The following MBNL2 variants were observed in gnomAD, a reference collection of about 807,000 sequenced individuals.
MBNL2 encodes muscleblind-like protein 2.
MBNL2 carries 17 observed loss-of-function variants against 41.9 expected under a neutral mutation model. The ratio of observed to expected loss-of-function variants is 0.41; its 90% CI spans 0.28 to 0.61. MBNL2 has a LOEUF of 0.61. Among genes scored for constraint, MBNL2 ranks in the 20% least tolerant of loss-of-function variants. The probability of loss-of-function intolerance (pLI) is 0.35; values close to 1 mark genes in which losing one functional copy is unlikely to be tolerated. For missense variants in MBNL2, 336 were observed against 505.6 expected (o/e 0.66, Z 3.22); for synonymous variants, 195 against 182.9 (o/e 1.07, Z -0.53).
At chr13:97,210,136 T>C in the MBNL2 span, among the ~76,000 whole-genome samples, 1 of 152,208 alleles carries the variant, frequency 6.6e-6, no homozygotes, top group Non-Finnish European at 1.5e-5. Flanking sequence ...GTGTCCTCAG[T>C]ATATTTAAAT....
chr13:97,211,305 TG>T, the MBNL2 span, among the ~76,000 whole-genome samples: 1 of 152,070 alleles, frequency 6.6e-6, no homozygotes, highest in African/African-American at 2.4e-5. Flanking sequence ...TGATTAGGCT[TG>T]TTGGAGAGGT....
At chr13:97,163,307 T>C in the MBNL2 span, among the ~76,000 whole-genome samples, 3 of 152,060 alleles carry the variant, frequency 2.0e-5, no homozygotes, top group African/African-American at 7.2e-5. Flanking sequence ...AACAATAAAA[T>C]AAGCAGTCCA....
upstream of MBNL2, among the ~76,000 whole-genome samples, chr13:97,220,212 A>G (rs2040737756): frequency 6.6e-6 from 1 of 152,262 alleles, no homozygotes; most frequent in African/African-American, 2.4e-5. Context: ...CAGTCACTGC[A>G]TAGACATTTT....
In MBNL2 at chr13:97,327,406, G is replaced by A. The variant is rs185980190; in HGVS notation, c.175-6870G>A. On this transcript the variant is annotated intron_variant, in intron 2 of 8. Coordinates refer to ENST00000679496, the MANE Select transcript of MBNL2 (RefSeq NM_001382683.1). Reference sequence around the variant, plus strand: ...ATTAGGAGCATTCAAGGAGAAAATAGATCTGGAAAAAATATAGATAACAAT... The same window carrying A: ...ATTAGGAGCATTCAAGGAGAAAATAAATCTGGAAAAAATATAGATAACAAT... 2.4e-4 allele frequency among the ~76,000 whole-genome samples: 37 copies of A among 151,908 alleles called. 2 individuals are homozygous for A. The highest frequency in any genetic ancestry group is 2.0e-3 in the Admixed American group (30 of 15,254).
intron 8 of MBNL2, among the ~76,000 whole-genome samples, chr13:97,385,187 C>T (rs1380217950): frequency 6.6e-6 from 1 of 152,096 alleles, no homozygotes. Context: ...AAATTCCCAG[C>T]CCTATCCTAG....
the MBNL2 span, among the ~76,000 whole-genome samples, chr13:97,198,033 A>T: frequency 6.6e-6 from 1 of 152,150 alleles, no homozygotes; most frequent in Non-Finnish European, 1.5e-5. Flanking sequence ...GGTTGATTTT[A>T]TATGTAAACT....
At chr13:97,386,611 C>T (rs368410348) in intron 8 of MBNL2, among the ~76,000 whole-genome samples, 115 of 152,310 alleles carry the variant, frequency 7.6e-4, no homozygotes, top group African/African-American at 2.6e-3. Context: ...AGGCAATTCA[C>T]TGAGGACACT....
the MBNL2 span, among the ~76,000 whole-genome samples, chr13:97,165,808 T>G: frequency 6.6e-6 from 1 of 152,358 alleles, no homozygotes; most frequent in Admixed American, 6.5e-5. Flanking sequence ...TCAAAAAGCA[T>G]GCCACCTTGT....
chr13:97,383,960 C>T (rs913565280), intron 8 of MBNL2, among the ~76,000 whole-genome samples: 5 of 149,508 alleles, frequency 3.3e-5, no homozygotes, highest in Admixed American at 6.7e-5. Flanking sequence ...AGTGTGGTGG[C>T]GCAATCTTGG....
intron 8 of MBNL2, among the ~76,000 whole-genome samples, chr13:97,369,868 G>A (rs752453771): frequency 6.6e-6 from 1 of 152,002 alleles, no homozygotes; most frequent in Admixed American, 6.6e-5. Flanking sequence ...GAGCAGATAA[G>A]GAAACAAAAA....
intron 1 of MBNL2, among the ~76,000 whole-genome samples, chr13:97,238,356 C>G (rs958037115): frequency 6.6e-6 from 1 of 152,112 alleles, no homozygotes; most frequent in African/African-American, 2.4e-5. Context: ...CACAAAAATC[C>G]AAAGTGAAGA....
chr13:97,286,177 G>A (rs898826779), intron 2 of MBNL2, among the ~76,000 whole-genome samples: 4 of 152,082 alleles, frequency 2.6e-5, no homozygotes, highest in African/African-American at 9.7e-5. Flanking sequence ...ATATCTACTT[G>A]GATATTTATT....
At chr13:97,215,841 A>T in the MBNL2 span, among the ~76,000 whole-genome samples, 4 of 152,284 alleles carry the variant, frequency 2.6e-5, no homozygotes, top group South Asian at 4.1e-4. Flanking sequence ...TTTAGTTATC[A>T]CTTTTTTGGC....
chr13:97,316,539 A>G (rs1399814551), intron 2 of MBNL2, among the ~76,000 whole-genome samples: 1 of 152,170 alleles, frequency 6.6e-6, no homozygotes, highest in Non-Finnish European at 1.5e-5. Context: ...GCCCTGGCTC[A>G]TGGAGTCCAG....
the MBNL2 span, among the ~76,000 whole-genome samples, chr13:97,163,057 C>T: frequency 6.6e-6 from 1 of 152,250 alleles, no homozygotes; most frequent in South Asian, 2.1e-4. Flanking sequence ...GATTTGTAGA[C>T]CACCACCACT....
intron 1 of MBNL2, among the ~76,000 whole-genome samples, chr13:97,254,960 A>C (rs1022870442): frequency 3.3e-5 from 5 of 152,202 alleles, no homozygotes; most frequent in African/African-American, 1.2e-4. Flanking sequence ...AGGCATTTAG[A>C]TGTGGAGAAG....
chr13:97,334,256 A>C lies in MBNL2; in HGVS notation c.175-20A>C. 1 of 1,599,148 alleles carries C rather than the reference A, an allele frequency of 6.3e-7. No homozygotes were observed. Among genetic ancestry groups the C allele is most frequent in the East Asian group, 2.2e-5 (1 of 44,728 alleles). On this transcript the variant is annotated intron_variant, in intron 2 of 8. Transcript: ENST00000679496. This position sits in a 1 kb window ranked among gnomAD's most constrained non-coding sequence, Gnocchi z 5.3. Reference sequence around the variant, plus strand: ...GCAAGCTACTTAAAATAGTCCTAAAACCAACACTTGTTTTTACAGGGCCGT... The same window carrying C: ...GCAAGCTACTTAAAATAGTCCTAAACCCAACACTTGTTTTTACAGGGCCGT...
In MBNL2 at chr13:97,231,151, A is replaced by G. The variant is rs571391338; in HGVS notation, c.-605+8620A>G. Among the ~76,000 whole-genome samples, 136 of 152,270 alleles carry G rather than the reference A, an allele frequency of 8.9e-4. 2 individuals are homozygous for G. Among genetic ancestry groups the G allele is most frequent in the Middle Eastern group, 3.4e-3 (1 of 294 alleles). On this transcript the variant is annotated intron_variant, in intron 1 of 8. Transcript: ENST00000679496. Reference sequence around the variant, plus strand: ...TTCTCAATTGAACCCAGCCATAAGGACTTCTCTGAAGAAAATAGCCTTTCA... The same window carrying G: ...TTCTCAATTGAACCCAGCCATAAGGGCTTCTCTGAAGAAAATAGCCTTTCA...
At chr13:97,238,004 C>T (rs985085488) in intron 1 of MBNL2, among the ~76,000 whole-genome samples, 5 of 152,056 alleles carry the variant, frequency 3.3e-5, no homozygotes, top group African/African-American at 4.8e-5. Context: ...GAGTCAAAGC[C>T]GACCTGGACA....
Sources: gnomAD v4.1 joint callset for allele counts (sites outside exome capture counted in the v4.1 genomes callset) on GRCh38, gnomAD v4.1.1 for gene constraint, Gnocchi (gnomAD v3.1) non-coding constraint, MANE v1.5 for transcripts, NCBI Gene and HGNC (gene_info 2026-07-23, HGNC 2026-07-21) for gene names.